PHF20: variants seen among roughly 807,000 people sequenced by gnomAD.
PHF20 encodes the protein PHD finger protein 20.
A neutral mutation model predicts 113.5 loss-of-function variants in PHF20; 23 were observed. The observed-to-expected ratio is 0.20, with a 90% CI of 0.15 to 0.29. The LOEUF is 0.29. PHF20 is among the 10% of genes least tolerant of loss of function. PHF20 has a pLI of 1.00. For synonymous variants in PHF20, 434 were observed against 457.3 expected (o/e 0.95, Z 0.65); for missense variants, 943 against 1,219.6 (o/e 0.77, Z 3.38).
intron 17 of PHF20, among the ~76,000 whole-genome samples, chr20:35,942,680 G>A (rs987002867): frequency 2.4e-4 from 36 of 152,248 alleles, no homozygotes; most frequent in Non-Finnish European, 2.8e-4. Context: ...CCCTGAGAGA[G>A]ATAACAAGAA....
chr20:35,917,236 C>T (rs2055420197), intron 12 of PHF20: 4 of 580,570 alleles, frequency 6.9e-6, no homozygotes, highest in Admixed American at 2.2e-5. Context: ...TGAGTAGCCA[C>T]TGCCGTTGGG....
chr20:35,871,577 G>A, intron 8 of PHF20, 73 bp from the exon 9 acceptor site: 1 of 1,273,936 alleles, frequency 7.8e-7, no homozygotes, highest in Non-Finnish European at 1.1e-6. Flanking sequence ...GGCTTTCTTA[G>A]ACTGTTGTAG....
chr20:35,866,736 A>G (rs1372564755), intron 6 of PHF20, among the ~76,000 whole-genome samples: 1 of 152,192 alleles, frequency 6.6e-6, no homozygotes, highest in Non-Finnish European at 1.5e-5. Context: ...TACCCTCCAG[A>G]AGGTATGTAC....
At chr20:35,933,547 C>T (rs2055805179) in intron 15 of PHF20, among the ~76,000 whole-genome samples, 1 of 152,094 alleles carries the variant, frequency 6.6e-6, no homozygotes, top group Non-Finnish European at 1.5e-5. Flanking sequence ...CAGGCGCCTG[C>T]CACCACGCCC....
intron 9 of PHF20, among the ~76,000 whole-genome samples, chr20:35,892,989 G>A (rs1176959048): frequency 6.6e-6 from 1 of 152,202 alleles, no homozygotes; most frequent in East Asian, 1.9e-4. Context: ...AAGAGCCTTT[G>A]GTTTGGCCAG....
intron 16 of PHF20, 124 bp downstream of exon 16, chr20:35,939,232 G>GAT: frequency 8.3e-7 from 1 of 1,205,474 alleles, no homozygotes; most frequent in Non-Finnish European, 1.1e-6. Context: ...GCTTACCATA[G>GAT]ATATGTTTTG....
chr20:35,893,956 G>A (rs1395516866), intron 9 of PHF20, among the ~76,000 whole-genome samples: 3 of 152,222 alleles, frequency 2.0e-5, no homozygotes, highest in East Asian at 1.9e-4. Flanking sequence ...ATAAAACAAT[G>A]TTCAGTATTT....
rs111402953 is a variant in PHF20 at position 35,912,786 on chromosome 20, C to T, written c.1562-463C>T. Among the ~76,000 whole-genome samples the T allele has an allele frequency of 3.0e-3, 459 of 152,232 alleles. 2 individuals carry two copies. The highest frequency in any genetic ancestry group is 6.8e-3 in the Middle Eastern group (2 of 294). ...GGCGGAGGTTGCAGTGAGCTGAGAT[C>T]GCGCCACTGCACTCCAGCCTGGGTG... On this transcript the variant is annotated intron_variant, in intron 10 of 17. Coordinates refer to ENST00000374012, the MANE Select transcript of PHF20 (RefSeq NM_016436.5).
chr20:35,865,497 G>GTTTTTTTTTTTTTTTTTTTTTT (rs201623482), intron 6 of PHF20, among the ~76,000 whole-genome samples: 1 of 96,610 alleles, frequency 1.0e-5, no homozygotes, highest in Non-Finnish European at 2.0e-5. Flanking sequence ...TTTAAGTTGT[G>GTTTTTTTTTTTTTTTTTTTTTT]TTTTTTTTTT....
intron 2 of PHF20, among the ~76,000 whole-genome samples, chr20:35,834,623 G>C (rs2042408927): frequency 1.3e-5 from 2 of 152,078 alleles, no homozygotes; most frequent in Admixed American, 1.3e-4. Flanking sequence ...GTGGAGAGGA[G>C]TGGGAAATCT....
At chr20:35,898,136 A>G (rs1261811364) in intron 9 of PHF20, among the ~76,000 whole-genome samples, 1 of 151,048 alleles carries the variant, frequency 6.6e-6, no homozygotes, top group Non-Finnish European at 1.5e-5. Flanking sequence ...CGGCCTCCCA[A>G]AGTGCTGAGA....
intron 1 of PHF20, among the ~76,000 whole-genome samples, chr20:35,786,726 A>G (rs113224414): frequency 4.5e-4 from 68 of 152,308 alleles, no homozygotes; most frequent in Admixed American, 1.2e-3. Context: ...GCTATAGACT[A>G]TATCACTCAG....
chr20:35,835,758 G>A (rs538409898), intron 2 of PHF20, among the ~76,000 whole-genome samples: 46 of 152,054 alleles, frequency 3.0e-4, no homozygotes, highest in African/African-American at 1.0e-3. Flanking sequence ...GATGAAACCC[G>A]TCTCTACTAA....
Position 35,947,610 on chromosome 20 carries a change from C to T in PHF20, c.3022C>T (p.Leu1008Phe). ...CCTGGGCAAGGTGCAGCAGATCGCC[C>T]TCTGCTGCTCAACATGAAACTGGGC... is the stretch of plus-strand genomic sequence containing the variant. ...MDLGKVQQIA[L>F]CCST Residue 1008 changes from leucine (L) to phenylalanine (F), a missense_variant, in exon 18 of 18, where the codon CTC becomes TTC. Coordinates refer to ENST00000374012, the MANE Select transcript of PHF20 (RefSeq NM_016436.5). 1 of 1,613,834 alleles carries T rather than the reference C, an allele frequency of 6.2e-7. No individual in the cohort carries two copies. Among genetic ancestry groups the T allele is most frequent in the South Asian group, 1.1e-5 (1 of 91,054 alleles).
At chr20:35,922,160 A>C (rs1470345735) in intron 13 of PHF20, among the ~76,000 whole-genome samples, 2 of 152,206 alleles carry the variant, frequency 1.3e-5, no homozygotes, top group Admixed American at 1.3e-4. Context: ...AGCTCACTTC[A>C]GAGCTTCTTG....
chr20:35,832,381 C>T (rs961127493), intron 2 of PHF20, among the ~76,000 whole-genome samples: 5 of 152,152 alleles, frequency 3.3e-5, no homozygotes, highest in African/African-American at 1.2e-4. Flanking sequence ...TACTTTTATT[C>T]CCCCAGACTA....
chr20:35,816,873 C>A (rs1418255797), intron 2 of PHF20, among the ~76,000 whole-genome samples: 1 of 151,538 alleles, frequency 6.6e-6, no homozygotes, highest in Non-Finnish European at 1.5e-5. Context: ...CTTACTGCAA[C>A]CTCTGCCTCC....
chr20:35,917,760 C>T, intron 13 of PHF20, 98 bp downstream of exon 13: 1 of 1,013,196 alleles, frequency 9.9e-7, no homozygotes, highest in Non-Finnish European at 1.5e-6. Context: ...AGCAGAGCCC[C>T]AGAAACACAG....
chr20:35,858,411 A>T lies in PHF20; in HGVS notation c.420+30A>T, dbSNP rs777960866. 6 of 1,171,040 alleles carry T rather than the reference A, an allele frequency of 5.1e-6. No individual in the cohort carries two copies. In the East Asian group the frequency reaches 1.2e-4, roughly 23 times the overall value. The allele number at this position is 1,171,040 out of a possible 1,614,324, so 72.5% of individuals were successfully genotyped here. A position where few individuals can be genotyped will look rare whatever the true frequency, so the allele number is the denominator to read the frequency against. On this transcript the variant is annotated intron_variant, in intron 5 of 17. Coordinates refer to ENST00000374012, the MANE Select transcript of PHF20 (RefSeq NM_016436.5). ...GAAATGTGGTTTTGTGCTTTGTGTT[A>T]TGAATAATGCTAACATTGTAGTTTT...
Sources: gnomAD v4.1 joint callset for allele counts (sites outside exome capture counted in the v4.1 genomes callset) on GRCh38, gnomAD v4.1.1 for gene constraint, MANE v1.5 for transcripts, NCBI Gene and HGNC (gene_info 2026-07-23, HGNC 2026-07-21) for gene names.